The following RAD51C variants were observed in gnomAD, a reference collection of about 807,000 sequenced individuals.
The protein encoded by RAD51C is RAD51 paralog C, also known as DNA repair protein RAD51 homolog 3.
RAD51C carries 42 observed loss-of-function variants against 45.0 expected under a neutral mutation model. The ratio of observed to expected loss-of-function variants is 0.93; its 90% CI spans 0.73 to 1.21. The LOEUF is 1.21. Among genes scored for constraint, RAD51C ranks in the 50% most tolerant of loss-of-function variants. The pLI is 0.00. For synonymous variants in RAD51C, 172 were observed against 159.8 expected (o/e 1.08, Z -0.58); for missense variants, 474 against 452.2 (o/e 1.05, Z -0.44).
At chr17:58,728,204 C>G (rs1199984420) in intron 7 of RAD51C, among the ~76,000 whole-genome samples, 1 of 150,246 alleles carries the variant, frequency 6.7e-6, no homozygotes, top group East Asian at 2.0e-4. Flanking sequence ...AAGATTGCAC[C>G]ACTGCACTCC....
At chr17:58,708,708 G>A (rs936759286) in intron 4 of RAD51C, among the ~76,000 whole-genome samples, 2 of 151,616 alleles carry the variant, frequency 1.3e-5, no homozygotes, top group African/African-American at 2.4e-5. Context: ...CTTTGGGGGG[G>A]GCTTTCTTTT....
intron 7 of RAD51C, among the ~76,000 whole-genome samples, chr17:58,729,713 A>G (rs912434322): frequency 6.6e-6 from 1 of 151,820 alleles, no homozygotes; most frequent in Non-Finnish European, 1.5e-5. Context: ...CTGGGATTAT[A>G]GGCATGCGCC....
chr17:58,702,003 T>G (rs2048227769), intron 3 of RAD51C, among the ~76,000 whole-genome samples: 1 of 150,996 alleles, frequency 6.6e-6, no homozygotes, highest in South Asian at 2.1e-4. Flanking sequence ...ATTTTTTTGT[T>G]TTTTTTTTTG....
intron 5 of RAD51C, among the ~76,000 whole-genome samples, chr17:58,713,149 A>G (rs2048616550): frequency 6.6e-6 from 1 of 152,094 alleles, no homozygotes; most frequent in Admixed American, 6.6e-5. Context: ...AGAAATGAAA[A>G]TGAGGTCATA....
chr17:58,729,856 C>G (rs1246306715), intron 7 of RAD51C, among the ~76,000 whole-genome samples: 2 of 152,016 alleles, frequency 1.3e-5, no homozygotes, highest in Non-Finnish European at 2.9e-5. Context: ...TAGACATGAG[C>G]CACTGTGCCC....
rs1459595568 is a variant in RAD51C at position 58,717,715 on chromosome 17, A to G, written c.838-3031A>G. 3.9e-5 allele frequency among the ~76,000 whole-genome samples: 6 copies of G among 152,226 alleles called. No individual in the cohort carries two copies. In the East Asian group the frequency reaches 1.2e-3, roughly 29 times the overall value. ...CATGCCATTGCACTCCAGCCTGAGC[A>G]ACAGAGTGAGACCTTGTCTCAAAGA... On this transcript the variant is annotated intron_variant, in intron 5 of 8. Coordinates refer to ENST00000337432, the MANE Select transcript of RAD51C (RefSeq NM_058216.3).
chr17:58,727,609 T>C (rs1418034269), intron 7 of RAD51C, among the ~76,000 whole-genome samples: 2 of 152,158 alleles, frequency 1.3e-5, no homozygotes, highest in Non-Finnish European at 2.9e-5. Flanking sequence ...GTACATACTT[T>C]ATGTAATCAA....
chr17:58,707,770 A>G (rs186903141), intron 4 of RAD51C, among the ~76,000 whole-genome samples: 1 of 152,274 alleles, frequency 6.6e-6, no homozygotes, highest in East Asian at 1.9e-4. Flanking sequence ...CTTGAACAAC[A>G]GAAATTTTAT....
At chr17:58,710,902 G>T (rs1447047114) in intron 5 of RAD51C, among the ~76,000 whole-genome samples, 1 of 152,134 alleles carries the variant, frequency 6.6e-6, no homozygotes, top group Non-Finnish European at 1.5e-5. Context: ...CTGGGAGTAA[G>T]ATGTAAGGTC....
intron 4 of RAD51C, among the ~76,000 whole-genome samples, chr17:58,703,630 C>T (rs1339465314): frequency 1.3e-5 from 2 of 152,058 alleles, no homozygotes; most frequent in African/African-American, 4.8e-5. Context: ...TAAAAACTTC[C>T]TTGTGCTACT....
intron 3 of RAD51C, among the ~76,000 whole-genome samples, chr17:58,697,154 G>A (rs1010104062): frequency 1.3e-5 from 2 of 152,226 alleles, no homozygotes; most frequent in African/African-American, 2.4e-5. Flanking sequence ...TAACGGTGCC[G>A]GACACCTTAA....
At chr17:58,726,566 GTA>G (rs1235185465) in intron 7 of RAD51C, among the ~76,000 whole-genome samples, 21 of 124,816 alleles carry the variant, frequency 1.7e-4, no homozygotes, top group African/African-American at 5.2e-4. Flanking sequence ...ATATACATAT[GTA>G]TATATGTGTA....
chr17:58,724,585 T>C (rs2049049000), intron 7 of RAD51C, among the ~76,000 whole-genome samples: 1 of 152,162 alleles, frequency 6.6e-6, no homozygotes, highest in Non-Finnish European at 1.5e-5. Flanking sequence ...TATTTTGTAT[T>C]TTGCTGTCCA....
At position 58,720,800 on chromosome 17, in the gene RAD51C, G is replaced by C. The variant is rs1555602145; in HGVS notation, c.892G>C (p.Val298Leu). Residue 298 changes from valine (V) to leucine (L), a missense_variant, in exon 6 of 9, where the codon GTT becomes CTT. By Grantham distance (32) the Val-to-Leu change is conservative. Coordinates refer to ENST00000337432, the MANE Select transcript of RAD51C (RefSeq NM_058216.3). ...TKIDRNQALL[V>L]PALGESWGHA... is the part of the protein sequence containing the mutation. The stretch of plus-strand genomic sequence containing the variant: ...GATTGATAGAAATCAGGCCTTGCTT[G>C]TTCCTGCATTAGGTGGGTAATTAAT... 1.2e-6 allele frequency: 2 copies of C among 1,611,370 alleles called. No homozygotes were observed. The highest frequency in any genetic ancestry group is 2.7e-5 in the African/African-American group (2 of 74,852).
At position 58,734,125 on chromosome 17, in the gene RAD51C, G is replaced by T. The variant is rs1489906607; in HGVS notation, c.1034G>T (p.Gly345Val). 1 of 1,612,966 alleles carries T rather than the reference G, an allele frequency of 6.2e-7. No homozygotes were observed. The highest frequency in any genetic ancestry group is 8.5e-7 in the Non-Finnish European group (1 of 1,179,406). The change falls in exon 9 of 9, where the codon GGA becomes GTA. Residue 345 changes from glycine to valine, a missense_variant. Coordinates refer to ENST00000337432, the MANE Select transcript of RAD51C (RefSeq NM_058216.3). Reference sequence around the variant, plus strand: ...ATATTTTTTATCTTTCAGCCTCAGGGATTTAGAGATACTGTTGTTACTTCT... The same window carrying T: ...ATATTTTTTATCTTTCAGCCTCAGGTATTTAGAGATACTGTTGTTACTTCT... The part of the protein sequence containing the change: ...CTVLFQIKPQ[G>V]FRDTVVTSAC...
At position 58,695,168 on chromosome 17, in the gene RAD51C, G is replaced by C. The variant is rs1555593874; in HGVS notation, c.383G>C (p.Gly128Ala). Residue 128 changes from glycine to alanine, a missense_variant, in exon 2 of 9, where the codon GGT (glycine) becomes GCT (alanine). Gly to Ala is a moderately conservative substitution (Grantham distance 60). Transcript: ENST00000337432. ...MKTTEICGAP[G>A]VGKTQLCMQL... ...ACAACAGAAATTTGTGGTGCACCAG[G>C]TGTTGGAAAAACACAATTATGGTAA... is the stretch of plus-strand genomic sequence containing the variant. 6.2e-7 allele frequency: 1 copy of C among 1,612,286 alleles called. No homozygotes were observed. Among genetic ancestry groups the C allele is most frequent in the Non-Finnish European group, 8.5e-7 (1 of 1,178,874 alleles).
intron 4 of RAD51C, chr17:58,706,607 T>C (rs2143830085): frequency 2.4e-6 from 1 of 409,092 alleles, no homozygotes. Flanking sequence ...CCTGGGCTTA[T>C]GGTAAGAGTG....
At chr17:58,695,255 C>A (rs2143729705) in intron 2 of RAD51C, 66 bp downstream of exon 2, 1 of 1,538,374 alleles carries the variant, frequency 6.5e-7, no homozygotes, top group Non-Finnish European at 8.7e-7. Context: ...GTATTTTGTA[C>A]TATCGTCAGG....
chr17:58,710,327 A>AC (rs1264035717), intron 5 of RAD51C, among the ~76,000 whole-genome samples: 1 of 150,402 alleles, frequency 6.6e-6, no homozygotes, highest in Non-Finnish European at 1.5e-5. Flanking sequence ...TAAAAAAAAA[A>AC]AAAAAAAAAA....
Sources: gnomAD v4.1 joint callset for allele counts (sites outside exome capture counted in the v4.1 genomes callset) on GRCh38, gnomAD v4.1.1 for gene constraint, MANE v1.5 for transcripts, NCBI Gene and HGNC (gene_info 2026-07-23, HGNC 2026-07-21) for gene names.